Variants in TRDN observed in about 807,000 individuals in gnomAD.
TRDN encodes the protein triadin, also known as triadin in skeletal muscle.
TRDN carries 161 observed loss-of-function variants against 149.7 expected under a neutral mutation model. The observed-to-expected ratio is 1.08, with a 90% confidence interval of 0.95 to 1.23. The LOEUF (loss-of-function observed/expected upper bound fraction) is 1.23, where lower values mean the gene tolerates loss of function less well. Ranked by LOEUF, TRDN falls within the 50% of genes most tolerant of loss-of-function variation. The pLI is 0.00. For synonymous variants in TRDN, 294 were observed against 250.5 expected, an observed-to-expected ratio of 1.17 and a Z score of -1.64; for missense variants, 896 against 823.5, an observed-to-expected ratio of 1.09 and a Z score of -1.08.
At chr6:123,494,425 C>T (rs1407813392) in intron 9 of TRDN, among the ~76,000 whole-genome samples, 2 of 152,270 alleles carry the variant, frequency 1.3e-5, no homozygotes, top group South Asian at 4.1e-4. Flanking sequence ...TTTCTTAGTG[C>T]ATGGTTCTCT....
At chr6:123,420,540 G>A (rs1365549876) in intron 12 of TRDN, among the ~76,000 whole-genome samples, 1 of 152,136 alleles carries the variant, frequency 6.6e-6, no homozygotes, top group Non-Finnish European at 1.5e-5. Context: ...GAGGAGACTG[G>A]GAATACAATA....
intron 36 of TRDN, 31 bp downstream of exon 36, chr6:123,255,836 C>T (rs759469388): frequency 3.1e-6 from 4 of 1,304,300 alleles, no homozygotes; most frequent in Non-Finnish European, 4.0e-6. Context: ...CAGGGCTTTG[C>T]ATTCTATTTT....
chr6:123,431,819 T>C (rs948365899), intron 12 of TRDN, among the ~76,000 whole-genome samples: 3 of 152,298 alleles, frequency 2.0e-5, no homozygotes, highest in South Asian at 4.1e-4. Flanking sequence ...GAACAACTTG[T>C]TACAAAAGAT....
At chr6:123,599,734 G>A (rs1056521890) in intron 1 of TRDN, among the ~76,000 whole-genome samples, 3 of 151,656 alleles carry the variant, frequency 2.0e-5, no homozygotes, top group Non-Finnish European at 4.4e-5. Context: ...TTAATATTAT[G>A]CAACCTACCA....
intron 12 of TRDN, among the ~76,000 whole-genome samples, chr6:123,404,227 T>C (rs2114493891): frequency 6.6e-6 from 1 of 152,300 alleles, no homozygotes; most frequent in South Asian, 2.1e-4. Flanking sequence ...CTATGTACTG[T>C]GATAGATGCC....
chr6:123,224,547 G>T (rs1355985716), intron 38 of TRDN, among the ~76,000 whole-genome samples: 2 of 151,784 alleles, frequency 1.3e-5, no homozygotes, highest in Non-Finnish European at 2.9e-5. Context: ...TTTATTAGCA[G>T]ATTGATTAGA....
At chr6:123,475,242 C>A (rs1351607277) in intron 9 of TRDN, among the ~76,000 whole-genome samples, 1 of 141,622 alleles carries the variant, frequency 7.1e-6, no homozygotes, top group African/African-American at 2.5e-5. Flanking sequence ...ACCGATCCCA[C>A]AGAAATACAA....
chr6:123,516,361 A>G (rs1583175349), intron 5 of TRDN, among the ~76,000 whole-genome samples, 155 bp from the exon 6 acceptor site: 1 of 152,280 alleles, frequency 6.6e-6, no homozygotes, highest in South Asian at 2.1e-4. Context: ...TTTAAACTTC[A>G]AGATAATTAC....
intron 1 of TRDN, among the ~76,000 whole-genome samples, chr6:123,596,123 AC>A (rs1156610893): frequency 6.6e-6 from 1 of 152,058 alleles, no homozygotes; most frequent in Non-Finnish European, 1.5e-5. Flanking sequence ...AAAAAGTGCT[AC>A]CCTGGTGAGG....
At position 123,584,810 on chromosome 6, in the gene TRDN, A is replaced by G. The variant is rs1015903129; in HGVS notation, c.23-13678T>C. On this transcript the variant is annotated intron_variant, in intron 1 of 40. Coordinates refer to ENST00000334268, the MANE Select transcript of TRDN (RefSeq NM_006073.4). ...GAACAGAATAATGGATTGTGGAGGG[A>G]GGTATTGAGGATAGGAGAGTATATG... Among the ~76,000 whole-genome samples the G allele has an allele frequency of 2.6e-5, 4 of 152,114 alleles. No homozygotes were observed. The East Asian group carries it at 7.7e-4, about 29-fold the overall frequency.
At position 123,255,145 on chromosome 6, in the gene TRDN, A is replaced by T; in HGVS notation, c.1907-20T>A. 9.1e-7 allele frequency: 1 copy of T among 1,103,946 alleles called. No individual in the cohort carries two copies. Among genetic ancestry groups the T allele is most frequent in the Non-Finnish European group, 1.3e-6 (1 of 795,426 alleles). 68.4% of individuals were successfully genotyped at this position (1,103,946 alleles called of 1,614,324 possible). A position where few individuals can be genotyped will look rare whatever the true frequency, so the allele number is the denominator to read the frequency against. ...TTGAGACTGTTAATAAGGAAAATGT[A>T]AATTAAAATATAAATTTTTAAAGTA... On this transcript the variant is annotated intron_variant, in intron 36 of 40. Coordinates refer to ENST00000334268, the MANE Select transcript of TRDN (RefSeq NM_006073.4).
intron 10 of TRDN, among the ~76,000 whole-genome samples, chr6:123,449,966 C>T (rs1775664624): frequency 1.3e-5 from 2 of 152,132 alleles, no homozygotes; most frequent in South Asian, 4.1e-4. Context: ...TCCAGTGAAA[C>T]TAAGCATCAT....
chr6:123,459,840 G>A (rs959258347), intron 10 of TRDN, among the ~76,000 whole-genome samples: 7 of 152,092 alleles, frequency 4.6e-5, no homozygotes, highest in African/African-American at 1.7e-4. Context: ...GGAGACACCT[G>A]GCTTTCAATT....
chr6:123,511,667 G>T (rs1327360041), intron 7 of TRDN, among the ~76,000 whole-genome samples: 2 of 152,064 alleles, frequency 1.3e-5, no homozygotes, highest in Admixed American at 6.6e-5. Context: ...CAGTTTTTAT[G>T]ATTCCAAAGT....
At chr6:123,613,246 A>G (rs965175871) in intron 1 of TRDN, among the ~76,000 whole-genome samples, 7 of 152,230 alleles carry the variant, frequency 4.6e-5, no homozygotes, top group Non-Finnish European at 1.0e-4. Flanking sequence ...CAAACTTTCC[A>G]TGAGCAAAAT....
At chr6:123,230,689 T>C (rs923765892) in intron 38 of TRDN, among the ~76,000 whole-genome samples, 5 of 151,934 alleles carry the variant, frequency 3.3e-5, no homozygotes, top group Admixed American at 2.6e-4. Context: ...GGAATCTCAG[T>C]TTCTTCTTCA....
At chr6:123,538,059 C>T (rs1377152453) in intron 4 of TRDN, among the ~76,000 whole-genome samples, 2 of 152,096 alleles carry the variant, frequency 1.3e-5, no homozygotes, top group Non-Finnish European at 2.9e-5. Flanking sequence ...AAAGAATAAT[C>T]TCTGTCATCA....
chr6:123,589,769 A>G (rs1783692546), intron 1 of TRDN, among the ~76,000 whole-genome samples: 1 of 152,212 alleles, frequency 6.6e-6, no homozygotes, highest in Admixed American at 6.5e-5. Flanking sequence ...ACTAGTAATG[A>G]TAAATACTTC....
chr6:123,252,224 C>A (rs1038572705), intron 38 of TRDN, among the ~76,000 whole-genome samples, 188 bp downstream of exon 38: 4 of 151,538 alleles, frequency 2.6e-5, no homozygotes, highest in Non-Finnish European at 4.4e-5. Context: ...GTTGTAATTT[C>A]AAATAACATA....
Sources: gnomAD v4.1 joint callset for allele counts (sites outside exome capture counted in the v4.1 genomes callset) on GRCh38, gnomAD v4.1.1 for gene constraint, MANE v1.5 for transcripts, NCBI Gene and HGNC (gene_info 2026-07-23, HGNC 2026-07-21) for gene names.